SPOCK3: variants seen among roughly 807,000 people sequenced by gnomAD.
SPOCK3 encodes testican-3.
SPOCK3 carries 30 observed loss-of-function variants against 56.6 expected under a neutral mutation model. The ratio of observed to expected loss-of-function variants is 0.53; its 90% CI spans 0.40 to 0.72. The LOEUF is 0.72. Among genes scored for constraint, SPOCK3 ranks in the 30% least tolerant of loss-of-function variants. The pLI is 0.00. For missense variants in SPOCK3, 527 were observed against 530.0 expected (o/e 0.99, Z 0.06); for synonymous variants, 196 against 183.3 (o/e 1.07, Z -0.56).
At chr4:167,140,842 A>G (rs936791715) in intron 2 of SPOCK3, among the ~76,000 whole-genome samples, 2 of 151,952 alleles carry the variant, frequency 1.3e-5, no homozygotes, top group African/African-American at 4.8e-5. Flanking sequence ...TCCATCCCCT[A>G]TCGTTCTCTC....
intron 2 of SPOCK3, among the ~76,000 whole-genome samples, chr4:167,155,227 T>C (rs1172490863): frequency 6.6e-6 from 1 of 152,170 alleles, no homozygotes; most frequent in South Asian, 2.1e-4. Context: ...GCAATTCTCT[T>C]GTCTTAGCCT....
chr4:166,871,917 A>T (rs1326470824), intron 6 of SPOCK3, among the ~76,000 whole-genome samples: 2 of 151,528 alleles, frequency 1.3e-5, no homozygotes, highest in Non-Finnish European at 2.9e-5. Flanking sequence ...ATACCAAATA[A>T]GAAAAAAAAA....
Position 167,176,857 on chromosome 4 carries a change from C to T in SPOCK3, c.189+57128G>A, listed in dbSNP as rs76829181. On this transcript the variant is annotated intron_variant, in intron 2 of 10. Coordinates refer to ENST00000357545, the MANE Select transcript of SPOCK3 (RefSeq NM_001040159.2). ...CGGGGGCAGAGAGAGACCTGTCAAA[C>T]GTTGCAAACATAGCTACTCAGCACA... Among the ~76,000 whole-genome samples the T allele has an allele frequency of 4.6e-3, 704 of 152,174 alleles. 6 individuals carry two copies. Among genetic ancestry groups the T allele is most frequent in the African/African-American group, 0.015 (633 of 41,540 alleles).
At chr4:166,774,712 C>A (rs1183348177) in intron 7 of SPOCK3, among the ~76,000 whole-genome samples, 1 of 152,158 alleles carries the variant, frequency 6.6e-6, no homozygotes, top group African/African-American at 2.4e-5. Context: ...AGGCCACAGT[C>A]TGCTTGTCTG....
At chr4:166,910,548 T>C (rs985419793) in intron 5 of SPOCK3, among the ~76,000 whole-genome samples, 3 of 152,140 alleles carry the variant, frequency 2.0e-5, no homozygotes, top group Non-Finnish European at 2.9e-5. Context: ...TGAGAGCTAT[T>C]TCTTACATGC....
intron 2 of SPOCK3, among the ~76,000 whole-genome samples, chr4:167,231,573 G>C (rs940289775): frequency 2.0e-5 from 3 of 152,094 alleles, no homozygotes; most frequent in Non-Finnish European, 2.9e-5. Flanking sequence ...ATTATTTCAA[G>C]TAATGCCTTA....
intron 6 of SPOCK3, among the ~76,000 whole-genome samples, chr4:166,852,315 T>C (rs191731814): frequency 4.1e-4 from 62 of 151,822 alleles, no homozygotes; most frequent in African/African-American, 1.5e-3. Flanking sequence ...ATAATAATAA[T>C]TAAAAAAAAG....
At chr4:166,843,505 A>T (rs1394638016) in intron 6 of SPOCK3, among the ~76,000 whole-genome samples, 1 of 152,208 alleles carries the variant, frequency 6.6e-6, no homozygotes, top group Non-Finnish European at 1.5e-5. Context: ...GGGACAAGAT[A>T]CAGCAGCAAA....
At chr4:167,057,545 TC>T in intron 3 of SPOCK3, among the ~76,000 whole-genome samples, 1 of 152,030 alleles carries the variant, frequency 6.6e-6, no homozygotes, top group East Asian at 1.9e-4. Context: ...GAAACCCATC[TC>T]ATGTGCAGAG....
intron 5 of SPOCK3, among the ~76,000 whole-genome samples, chr4:166,892,753 C>G (rs900172279): frequency 2.0e-5 from 3 of 151,976 alleles, no homozygotes; most frequent in African/African-American, 7.2e-5. Flanking sequence ...ACTTAAGTTA[C>G]GAGTTCTTGT....
At chr4:167,050,546 G>T (rs1754107783) in intron 3 of SPOCK3, among the ~76,000 whole-genome samples, 1 of 152,012 alleles carries the variant, frequency 6.6e-6, no homozygotes, top group Admixed American at 6.6e-5. Flanking sequence ...CCATTTCCAG[G>T]TATATAACCA....
In SPOCK3 at chr4:166,737,484, T is replaced by C; in HGVS notation, c.1115A>G (p.Asn372Ser). 6.2e-7 allele frequency: 1 copy of C among 1,613,126 alleles called. No individual in the cohort carries two copies. ...CTCCTTACCACAATCTGCAACACCA[T>C]TTATTCTGGATCCCATGACTTCATT... ...YGNEVMGSRI[N>S]GVADCAIDFE... The change falls in exon 10 of 11, where the codon AAT becomes AGT. Residue 372 changes from asparagine to serine, a missense_variant. Asn to Ser is a conservative substitution (Grantham distance 46, BLOSUM62 1). Transcript: ENST00000357545.
chr4:166,860,802 C>CATATATATATATACATATATATATAT (rs1553989683), intron 6 of SPOCK3, among the ~76,000 whole-genome samples: 1 of 101,938 alleles, frequency 9.8e-6, no homozygotes. Context: ...CACACAAATT[C>CATATATATATATACATATATATATAT]ATATATATAT....
chr4:166,802,837 T>C (rs1742760775), intron 6 of SPOCK3, among the ~76,000 whole-genome samples: 1 of 152,094 alleles, frequency 6.6e-6, no homozygotes, highest in Non-Finnish European at 1.5e-5. Context: ...TACAACTAAT[T>C]GCCTGATTTT....
intron 2 of SPOCK3, among the ~76,000 whole-genome samples, chr4:167,089,150 T>A (rs1758484758): frequency 6.6e-6 from 1 of 152,086 alleles, no homozygotes; most frequent in South Asian, 2.1e-4. Flanking sequence ...TATATATATG[T>A]GTGTGTACAT....
At chr4:166,902,563 C>G (rs548195282) in intron 5 of SPOCK3, among the ~76,000 whole-genome samples, 1 of 151,574 alleles carries the variant, frequency 6.6e-6, no homozygotes, top group Non-Finnish European at 1.5e-5. Flanking sequence ...TTCAGAAATA[C>G]GTATGTGTAT....
chr4:166,924,976 T>TG (rs1453837049), intron 4 of SPOCK3, among the ~76,000 whole-genome samples: 1 of 152,202 alleles, frequency 6.6e-6, no homozygotes, highest in African/African-American at 2.4e-5. Flanking sequence ...TGGGGTTCCC[T>TG]GGGGTACTTT....
At chr4:167,230,066 C>T (rs1011736450) in intron 2 of SPOCK3, among the ~76,000 whole-genome samples, 10 of 151,782 alleles carry the variant, frequency 6.6e-5, no homozygotes, top group African/African-American at 2.4e-4. Flanking sequence ...CCTCTTTTTT[C>T]TAAGTTTTTA....
At chr4:166,929,102 G>C (rs1739443130) in intron 4 of SPOCK3, among the ~76,000 whole-genome samples, 1 of 152,168 alleles carries the variant, frequency 6.6e-6, no homozygotes, top group Admixed American at 6.5e-5. Flanking sequence ...TGCAATGTGT[G>C]GGGGCAGTAG....
Sources: allele counts gnomAD v4.1 joint callset (sites outside exome capture counted in the v4.1 genomes callset), GRCh38; gene constraint gnomAD v4.1.1; transcripts MANE v1.5; gene names NCBI Gene and HGNC (gene_info 2026-07-23, HGNC 2026-07-21).